The following LRMDA variants were observed in gnomAD, a reference collection of about 807,000 sequenced individuals.
LRMDA encodes leucine-rich melanocyte differentiation-associated protein.
LRMDA carries 18 observed loss-of-function variants against 29.8 expected under a neutral mutation model. The ratio of observed to expected loss-of-function variants is 0.60; its 90% CI spans 0.42 to 0.90. The LOEUF (loss-of-function observed/expected upper bound fraction) is 0.90, where lower values mean the gene tolerates loss of function less well. Ranked by LOEUF, LRMDA falls within the 40% of genes least tolerant of loss-of-function variation. The pLI is 0.00. For missense variants in LRMDA, 273 were observed against 273.9 expected, an observed-to-expected ratio of 1.00 and a Z score of 0.02; for synonymous variants, 125 against 109.4, an observed-to-expected ratio of 1.14 and a Z score of -0.89.
At chr10:75,600,853 G>A (rs1222467993) in intron 2 of LRMDA, among the ~76,000 whole-genome samples, 1 of 152,244 alleles carries the variant, frequency 6.6e-6, no homozygotes, top group Non-Finnish European at 1.5e-5. Flanking sequence ...CTTCAAGTGT[G>A]CTGAACATGA....
intron 2 of LRMDA, among the ~76,000 whole-genome samples, chr10:76,030,748 C>T (rs2132501180): frequency 6.6e-6 from 1 of 152,348 alleles, no homozygotes; most frequent in South Asian, 2.1e-4. Flanking sequence ...GCGATTGTGC[C>T]ACTGCACTCC....
rs550512927 is a variant in LRMDA at position 75,800,315 on chromosome 10, G to A, written c.132-235693G>A. Reference sequence around the variant, plus strand: ...CCACTTTTTTATGTGTACTTTTTTTGCAGCATATATATATATTTTATCCTA... The same window carrying A: ...CCACTTTTTTATGTGTACTTTTTTTACAGCATATATATATATTTTATCCTA... On this transcript the variant is annotated intron_variant, in intron 2 of 6. Coordinates refer to ENST00000611255, the MANE Select transcript of LRMDA (RefSeq NM_001305581.2). Among the ~76,000 whole-genome samples the A allele has an allele frequency of 1.3e-4, 20 of 151,820 alleles. No homozygotes were observed. In the South Asian group the frequency reaches 4.2e-3, roughly 32 times the overall value.
At chr10:76,289,314 C>T (rs1840310342) in intron 5 of LRMDA, among the ~76,000 whole-genome samples, 1 of 152,144 alleles carries the variant, frequency 6.6e-6, no homozygotes, top group Admixed American at 6.5e-5. Flanking sequence ...TAGACAGTCT[C>T]TTTTTGACAC....
intron 5 of LRMDA, among the ~76,000 whole-genome samples, chr10:76,302,061 G>A (rs2132362850): frequency 6.6e-6 from 1 of 152,296 alleles, no homozygotes; most frequent in East Asian, 1.9e-4. Flanking sequence ...AATCTCTGTG[G>A]CGTTGTCTGA....
chr10:75,597,290 A>G (rs1396330860), intron 2 of LRMDA, among the ~76,000 whole-genome samples: 2 of 152,198 alleles, frequency 1.3e-5, no homozygotes, highest in Non-Finnish European at 2.9e-5. Context: ...TTAGTAAGAA[A>G]AGTGGTCTGG....
intron 6 of LRMDA, among the ~76,000 whole-genome samples, chr10:76,441,667 C>T (rs1235753828): frequency 6.6e-6 from 1 of 152,172 alleles, no homozygotes; most frequent in Non-Finnish European, 1.5e-5. Context: ...AGCCCCCATC[C>T]AGCAGGATGT....
chr10:75,693,249 C>A (rs1347729757), intron 2 of LRMDA, among the ~76,000 whole-genome samples: 2 of 152,118 alleles, frequency 1.3e-5, no homozygotes, highest in African/African-American at 4.8e-5. Context: ...GAAAAAAGTA[C>A]CACAAATAAA....
rs142399493 is a variant in LRMDA, at chr10:76,116,187, G to A, written c.516+57404G>A. 3.7e-3 allele frequency among the ~76,000 whole-genome samples: 561 copies of A among 152,306 alleles called. 6 individuals carry two copies. Among genetic ancestry groups the A allele is most frequent in the African/African-American group, 0.013 (539 of 41,562 alleles). ...TCCACTCTGCTGGGGGATTAAGTAT[G>A]TATCAAACGGGTAGAGCTGATATTT... On this transcript the variant is annotated intron_variant, in intron 5 of 6. Coordinates refer to ENST00000611255, the MANE Select transcript of LRMDA (RefSeq NM_001305581.2).
chr10:75,765,548 T>A (rs562642733), intron 2 of LRMDA, among the ~76,000 whole-genome samples: 1 of 152,050 alleles, frequency 6.6e-6, no homozygotes, highest in Admixed American at 6.5e-5. Flanking sequence ...TCCAAAAAAT[T>A]GGTTTTGAAT....
chr10:76,032,147 G>A (rs530828515), intron 2 of LRMDA, among the ~76,000 whole-genome samples: 1 of 152,316 alleles, frequency 6.6e-6, no homozygotes, highest in Non-Finnish European at 1.5e-5. Flanking sequence ...ACCTGGGCCC[G>A]GGCCCTGGCT....
intron 2 of LRMDA, among the ~76,000 whole-genome samples, chr10:75,796,742 A>G (rs111639145): frequency 6.6e-6 from 1 of 152,084 alleles, no homozygotes; most frequent in African/African-American, 2.4e-5. Flanking sequence ...CTGGCTAATT[A>G]TAGTATTTTT....
chr10:75,817,105 T>C (rs924544243), intron 2 of LRMDA, among the ~76,000 whole-genome samples: 2 of 152,224 alleles, frequency 1.3e-5, no homozygotes, highest in Non-Finnish European at 2.9e-5. Context: ...TTCAGCAGCA[T>C]ATGTTGATTG....
At chr10:75,927,857 A>G (rs2132397097) in intron 2 of LRMDA, among the ~76,000 whole-genome samples, 1 of 152,286 alleles carries the variant, frequency 6.6e-6, no homozygotes, top group Non-Finnish European at 1.5e-5. Context: ...TCAAGTCTCC[A>G]TATACTAATT....
In LRMDA at chr10:76,199,707, A is replaced by C. The variant is rs1211653853; in HGVS notation, c.517-124694A>C. Among the ~76,000 whole-genome samples the C allele has an allele frequency of 2.6e-5, 4 of 152,212 alleles. No individual in the cohort carries two copies. In the East Asian group the frequency reaches 7.7e-4, roughly 29 times the overall value. ...GATTAGAGGACAATAATAAAATTGA[A>C]ATAGTGCTATCCTTTAACAAATTGG... On this transcript the variant is annotated intron_variant, in intron 5 of 6. Transcript: ENST00000611255.
rs1036341341 is a variant in LRMDA at position 76,476,242 on chromosome 10, C to G, written c.602-80967C>G. Among the ~76,000 whole-genome samples, 50 of 152,214 alleles carry G rather than the reference C, an allele frequency of 3.3e-4. No individual in the cohort carries two copies. In the East Asian group the frequency reaches 4.1e-3, roughly 12 times the overall value. The stretch of plus-strand genomic sequence containing the variant: ...TATCACCACCGATCCCACAGAAATA[C>G]AAACTACTATCAGAGAATACTATAA... On this transcript the variant is annotated intron_variant, in intron 6 of 6. Coordinates refer to ENST00000611255, the MANE Select transcript of LRMDA (RefSeq NM_001305581.2).
rs1039351348 is a variant in LRMDA, at chr10:75,867,553, G to T, written c.132-168455G>T. ...TAGACACAGTAGGGAAGGGTGAGGG[G>T]TTAGAGAGAAATTAAAGTGACTGGA... is the stretch of plus-strand genomic sequence containing the variant. On this transcript the variant is annotated intron_variant, in intron 2 of 6. Transcript: ENST00000611255. Among the ~76,000 whole-genome samples, 3 of 152,194 alleles carry T rather than the reference G, an allele frequency of 2.0e-5. No individual in the cohort carries two copies. In the East Asian group the frequency reaches 5.8e-4, roughly 29 times the overall value.
intron 2 of LRMDA, among the ~76,000 whole-genome samples, chr10:75,947,126 G>A (rs191006125): frequency 1.3e-4 from 20 of 152,226 alleles, no homozygotes; most frequent in African/African-American, 3.9e-4. Context: ...AAATCCTCTC[G>A]GCCTAAGGGT....
intron 2 of LRMDA, among the ~76,000 whole-genome samples, chr10:75,953,413 C>A (rs1008914409): frequency 6.6e-6 from 1 of 152,146 alleles, no homozygotes; most frequent in Non-Finnish European, 1.5e-5. Context: ...TGGCTGCTGA[C>A]TCTGCCAGCC....
chr10:76,146,122 AT>A (rs1365327204), intron 5 of LRMDA, among the ~76,000 whole-genome samples: 60 of 152,158 alleles, frequency 3.9e-4, no homozygotes, highest in African/African-American at 1.4e-3. Flanking sequence ...TATGTGGTCA[AT>A]TTTGGAGTAG....
Sources: allele counts gnomAD v4.1 joint callset (sites outside exome capture counted in the v4.1 genomes callset), GRCh38; gene constraint gnomAD v4.1.1; transcripts MANE v1.5; gene names NCBI Gene and HGNC (gene_info 2026-07-23, HGNC 2026-07-21).